The following PCDH11X variants were observed in gnomAD, a reference collection of about 807,000 sequenced individuals.
The protein encoded by PCDH11X is protocadherin 11 X-linked.
In PCDH11X, 18 loss-of-function variants were observed where a neutral mutation model predicts 53.3. The ratio of observed to expected loss-of-function variants is 0.34; its 90% CI spans 0.23 to 0.50. PCDH11X has a LOEUF of 0.50. Ranked by LOEUF, PCDH11X falls within the 20% of genes least tolerant of loss-of-function variation. The pLI is 0.98. For synonymous variants in PCDH11X, 279 were observed against 393.3 expected, an observed-to-expected ratio of 0.71 and a Z score of 3.44; for missense variants, 570 against 1,032.4, an observed-to-expected ratio of 0.55 and a Z score of 6.14.
chrX:92,113,079 A>G (rs2064553889), intron 6 of PCDH11X, among the ~76,000 whole-genome samples: 1 of 104,439 alleles, frequency 9.6e-6, no homozygotes, highest in Non-Finnish European at 1.9e-5. Context: ...CATAATACCT[A>G]CCTTTTTATC....
At chrX:92,231,344 A>G in intron 7 of PCDH11X, among the ~76,000 whole-genome samples, 1 of 111,757 alleles carries the variant, frequency 8.9e-6, no homozygotes, top group East Asian at 2.8e-4. Flanking sequence ...AAAATTTTGT[A>G]ATTTTTATAT....
At chrX:92,566,452 A>G (rs1921483069) in intron 10 of PCDH11X, among the ~76,000 whole-genome samples, 1 of 110,984 alleles carries the variant, frequency 9.0e-6, no homozygotes, top group Non-Finnish European at 1.9e-5. Context: ...TTACAAATAA[A>G]TGTTTAGTTA....
At chrX:92,150,480 G>A (rs1170470326) in intron 6 of PCDH11X, among the ~76,000 whole-genome samples, 1 of 107,137 alleles carries the variant, frequency 9.3e-6, no homozygotes, top group Non-Finnish European at 1.9e-5. Flanking sequence ...GATATATTCT[G>A]GATACATTTA....
Position 92,419,669 on chromosome X carries a change from C to CT in PCDH11X, c.3343+31765dup, listed in dbSNP as rs757189751. Among the ~76,000 whole-genome samples the CT allele has an allele frequency of 1.9e-3, 105 of 54,153 alleles. 23 individuals are homozygous for CT. Among genetic ancestry groups the CT allele is most frequent in the African/African-American group, 5.8e-3 (75 of 12,967 alleles). The allele number at this position is 54,153 out of a possible 115,157, so 47.0% of individuals were successfully genotyped here. A position where few individuals can be genotyped will look rare whatever the true frequency, so the allele number is the denominator to read the frequency against. On this transcript the variant is annotated intron_variant, in intron 9 of 10. Coordinates refer to ENST00000682573, the MANE Select transcript of PCDH11X (RefSeq NM_032968.5). Reference sequence around the variant, plus strand: ...TGTTTCTCTCTCCCCTCCCTCCACCCTTTTTTTTTTTTTTTTTTTTTTTTT... The same window carrying CT: ...TGTTTCTCTCTCCCCTCCCTCCACCCTTTTTTTTTTTTTTTTTTTTTTTTTT...
intron 10 of PCDH11X, among the ~76,000 whole-genome samples, chrX:92,617,083 G>A (rs988171696): frequency 1.8e-5 from 2 of 111,119 alleles, no homozygotes; most frequent in African/African-American, 6.5e-5. Flanking sequence ...ATGTCACATA[G>A]GAGTGGTGTC....
intron 10 of PCDH11X, among the ~76,000 whole-genome samples, chrX:92,539,360 T>G (rs1041505818): frequency 3.6e-5 from 4 of 112,069 alleles, no homozygotes; most frequent in African/African-American, 1.3e-4. Flanking sequence ...TTCTCCTTGA[T>G]TATTTCTGCT....
chrX:91,806,113 A>G (rs1936096327), intron 1 of PCDH11X, among the ~76,000 whole-genome samples: 2 of 113,449 alleles, frequency 1.8e-5, no homozygotes, highest in Non-Finnish European at 3.8e-5. Context: ...GAATGTTTTG[A>G]TCTATTTATA....
Position 92,032,121 on chromosome X carries a change from G to T in PCDH11X, c.3033+152848G>T, listed in dbSNP as rs953510774. Among the ~76,000 whole-genome samples the T allele has an allele frequency of 6.3e-5, 7 of 111,625 alleles. No homozygotes were observed. The Admixed American group carries it at 6.7e-4, about 11-fold the overall frequency. On this transcript the variant is annotated intron_variant, in intron 6 of 10. Coordinates refer to ENST00000682573, the MANE Select transcript of PCDH11X (RefSeq NM_032968.5). ...TTCATTCTTCCAATTCATTAACATGGAATGTCTTTCCATTTTTTTTGTCCT... is the reference window on the plus strand; with the variant it reads ...TTCATTCTTCCAATTCATTAACATGTAATGTCTTTCCATTTTTTTTGTCCT...
intron 7 of PCDH11X, among the ~76,000 whole-genome samples, chrX:92,243,134 C>A (rs1467792885): frequency 9.0e-6 from 1 of 111,575 alleles, no homozygotes; most frequent in Non-Finnish European, 1.9e-5. Context: ...AAGCATTTCA[C>A]TTTAGGTGTC....
At chrX:92,556,039 A>C (rs990446300) in intron 10 of PCDH11X, among the ~76,000 whole-genome samples, 1 of 110,080 alleles carries the variant, frequency 9.1e-6, no homozygotes, top group African/African-American at 3.3e-5. Flanking sequence ...TTATAAAACT[A>C]TCAGATCTTG....
At chrX:91,831,415 GACAGAAA>G (rs1243856131) in intron 4 of PCDH11X, among the ~76,000 whole-genome samples, 17 of 102,991 alleles carry the variant, frequency 1.7e-4, no homozygotes, top group Admixed American at 4.3e-4. Context: ...TTTTTCATGA[GACAGAAA>G]AATTAGAATG....
At chrX:91,977,504 G>T (rs1453012536) in intron 6 of PCDH11X, among the ~76,000 whole-genome samples, 1 of 111,835 alleles carries the variant, frequency 8.9e-6, no homozygotes, top group African/African-American at 3.3e-5. Context: ...AAGGGGCAAA[G>T]ACTTCTCTCT....
At chrX:92,037,169 C>T (rs1362733075) in intron 6 of PCDH11X, among the ~76,000 whole-genome samples, 21 of 111,120 alleles carry the variant, frequency 1.9e-4, no homozygotes, top group Non-Finnish European at 3.8e-4. Context: ...TTCTAAGCCT[C>T]GCATGCATTA....
rs1054992306 is a variant in PCDH11X, at chrX:92,555,047, G to A, written c.3368-63217G>A. Among the ~76,000 whole-genome samples, 4 of 111,550 alleles carry A rather than the reference G, an allele frequency of 3.6e-5. No homozygotes were observed. The Admixed American group carries it at 3.8e-4, about 11-fold the overall frequency. On this transcript the variant is annotated intron_variant, in intron 10 of 10. Coordinates refer to ENST00000682573, the MANE Select transcript of PCDH11X (RefSeq NM_032968.5). ...CAGAGCCTGAGTAGCAGGGTTTCGCGACGTATATTTTTGTTTCTGCAATGC... is the reference window on the plus strand; with the variant it reads ...CAGAGCCTGAGTAGCAGGGTTTCGCAACGTATATTTTTGTTTCTGCAATGC...
chrX:92,007,922 G>A (rs1460733870), intron 6 of PCDH11X, among the ~76,000 whole-genome samples: 1 of 110,707 alleles, frequency 9.0e-6, no homozygotes, highest in Non-Finnish European at 1.9e-5. Context: ...CTGGCCCAGG[G>A]TGTGTCTAGA....
chrX:92,201,208 T>A, intron 6 of PCDH11X, 167 bp from the exon 7 acceptor site: 1 of 277,546 alleles, frequency 3.6e-6, no homozygotes, highest in Non-Finnish European at 4.9e-6. Context: ...GGCATATTGT[T>A]AACCCTCAAT....
chrX:91,929,962 AG>A (rs1942070403), intron 6 of PCDH11X, among the ~76,000 whole-genome samples: 1 of 111,284 alleles, frequency 9.0e-6, no homozygotes, highest in African/African-American at 3.3e-5. Context: ...ACTTAAAAAG[AG>A]GAGGCCTAAA....
chrX:91,802,344 G>A (rs1935963429), intron 1 of PCDH11X, among the ~76,000 whole-genome samples: 1 of 112,162 alleles, frequency 8.9e-6, no homozygotes, highest in African/African-American at 3.2e-5. Context: ...TAATTCTGTT[G>A]ACTAAAATAC....
chrX:91,980,325 G>A (rs1326584711), intron 6 of PCDH11X, among the ~76,000 whole-genome samples: 1 of 89,553 alleles, frequency 1.1e-5, no homozygotes, highest in Admixed American at 1.3e-4. Context: ...ACCCAAAGCA[G>A]GAATGTTTCC....
Sources: gnomAD v4.1 joint callset for allele counts (sites outside exome capture counted in the v4.1 genomes callset) on GRCh38, gnomAD v4.1.1 for gene constraint, MANE v1.5 for transcripts, NCBI Gene and HGNC (gene_info 2026-07-23, HGNC 2026-07-21) for gene names.